UTS2B: variants seen among roughly 807,000 people sequenced by gnomAD.
UTS2B encodes urotensin 2B.
Under a neutral mutation model 19.2 loss-of-function variants are expected in UTS2B, and 21 were observed. The ratio of observed to expected loss-of-function variants is 1.09; its 90% CI spans 0.78 to 1.58. UTS2B has a LOEUF of 1.58. Ranked by LOEUF, UTS2B falls within the 40% of genes most tolerant of loss-of-function variation. The probability of loss-of-function intolerance (pLI) is 0.00; values close to 1 mark genes in which losing one functional copy is unlikely to be tolerated. For missense variants in UTS2B, 138 were observed against 130.3 expected, an observed-to-expected ratio of 1.06 and a Z score of -0.29; for synonymous variants, 57 against 50.2, an observed-to-expected ratio of 1.14 and a Z score of -0.58.
intron 2 of UTS2B, among the ~76,000 whole-genome samples, chr3:191,321,325 T>C (rs1165262954): frequency 6.6e-6 from 1 of 152,214 alleles, no homozygotes; most frequent in Non-Finnish European, 1.5e-5. Context: ...AAGGAAGTTT[T>C]AGTAAGACCT....
intron 3 of UTS2B, among the ~76,000 whole-genome samples, chr3:191,315,308 C>T (rs942915890): frequency 1.4e-4 from 22 of 152,180 alleles, no homozygotes; most frequent in South Asian, 4.1e-4. Context: ...CCACCACGCC[C>T]GGCCTACTCT....
intron 4 of UTS2B, among the ~76,000 whole-genome samples, chr3:191,299,897 T>A (rs1716949469): frequency 6.6e-6 from 1 of 152,266 alleles, no homozygotes; most frequent in African/African-American, 2.4e-5. Flanking sequence ...AACCCACTCC[T>A]TGCATCAATG....
At chr3:191,340,050 T>C in the UTS2B span, among the ~76,000 whole-genome samples, 1 of 152,224 alleles carries the variant, frequency 6.6e-6, no homozygotes, top group Non-Finnish European at 1.5e-5. Flanking sequence ...TGTATAATAC[T>C]TGTATCCAAA....
intron 2 of UTS2B, among the ~76,000 whole-genome samples, chr3:191,324,299 T>C (rs1471255887): frequency 1.3e-5 from 2 of 152,238 alleles, no homozygotes; most frequent in Non-Finnish European, 2.9e-5. Flanking sequence ...AACACATTCA[T>C]TTTCTTTATA....
intron 1 of UTS2B, chr3:191,329,805 C>T (rs1717888988): frequency 1.4e-6 from 2 of 1,443,388 alleles, no homozygotes; most frequent in Admixed American, 2.0e-5. Flanking sequence ...GTTGCCATTT[C>T]GGCTCCCGCG....
intron 2 of UTS2B, among the ~76,000 whole-genome samples, chr3:191,317,598 A>T (rs1372897928): frequency 9.2e-6 from 1 of 108,112 alleles, no homozygotes; most frequent in Non-Finnish European, 2.1e-5. Context: ...GTTGTTGTTG[A>T]GTTGGAGTTT....
In UTS2B at chr3:191,282,202, C is replaced by A. The variant is rs755815148; in HGVS notation, c.-13G>T. The A allele has an allele frequency of 6.3e-7, 1 of 1,583,150 alleles. No individual in the cohort carries two copies. On this transcript the variant is annotated 5_prime_UTR_variant, in exon 5 of 9. The change creates a new upstream start codon in the 5' untranslated region. Transcript: ENST00000340524. ...GGATCTTGTTCATGTTAAAAAAAAC[C>A]TTCTGGACTAGCAAAGAAACAGACT...
intron 4 of UTS2B, among the ~76,000 whole-genome samples, chr3:191,283,463 CACA>C (rs1174954852): frequency 7.1e-6 from 1 of 140,198 alleles, no homozygotes; most frequent in East Asian, 1.9e-4. Flanking sequence ...TTTGGACTGC[CACA>C]ACATTTTGTT....
upstream of UTS2B, among the ~76,000 whole-genome samples, chr3:191,335,060 T>G (rs1374214426): frequency 6.6e-6 from 1 of 152,166 alleles, no homozygotes; most frequent in African/African-American, 2.4e-5. Flanking sequence ...TTAAACGTAT[T>G]GGAGAAATAA....
chr3:191,273,123 G>A (rs1325130988), intron 8 of UTS2B, among the ~76,000 whole-genome samples: 5 of 152,146 alleles, frequency 3.3e-5, no homozygotes, highest in African/African-American at 1.2e-4. Context: ...AGCCGAGATC[G>A]CACCACTGCA....
upstream of UTS2B, among the ~76,000 whole-genome samples, chr3:191,334,675 C>T (rs1718085929): frequency 6.6e-6 from 1 of 152,104 alleles, no homozygotes; most frequent in African/African-American, 2.4e-5. Context: ...TTCTTTTTAC[C>T]TACCTTCTCT....
intron 2 of UTS2B, among the ~76,000 whole-genome samples, chr3:191,317,269 G>A (rs773529833): frequency 1.3e-5 from 2 of 152,232 alleles, no homozygotes; most frequent in Non-Finnish European, 2.9e-5. Context: ...CCTGGGGCCG[G>A]GGGCACCAGC....
intron 4 of UTS2B, among the ~76,000 whole-genome samples, chr3:191,300,201 C>T (rs1243734443): frequency 6.6e-6 from 1 of 152,122 alleles, no homozygotes; most frequent in Non-Finnish European, 1.5e-5. Flanking sequence ...AGGCGCCCAC[C>T]ACCATGCCTG....
chr3:191,319,898 T>TA (rs1717569779), intron 2 of UTS2B, among the ~76,000 whole-genome samples: 9 of 151,402 alleles, frequency 5.9e-5, no homozygotes, highest in Admixed American at 2.0e-4. Flanking sequence ...TTTTTTTTTT[T>TA]TAAAAACCTT....
At chr3:191,294,244 T>A (rs940688561) in intron 4 of UTS2B, among the ~76,000 whole-genome samples, 10 of 151,898 alleles carry the variant, frequency 6.6e-5, no homozygotes, top group African/African-American at 2.4e-4. Flanking sequence ...AAAACATTAT[T>A]TAGAATCATT....
chr3:191,283,507 C>G (rs888846649), intron 4 of UTS2B, among the ~76,000 whole-genome samples: 12 of 152,108 alleles, frequency 7.9e-5, no homozygotes, highest in Admixed American at 3.9e-4. Context: ...AAATTCATTT[C>G]TTCTTTCATT....
intron 2 of UTS2B, among the ~76,000 whole-genome samples, chr3:191,326,630 CATCCTGAGAAGCCTTATGCTT>C (rs1717751769): frequency 6.6e-6 from 1 of 152,140 alleles, no homozygotes; most frequent in Non-Finnish European, 1.5e-5. Flanking sequence ...GATCTGTATC[CATCCTGAGAAGCCTTATGCTT>C]TCTCTTTTAT....
intron 3 of UTS2B, among the ~76,000 whole-genome samples, chr3:191,314,614 G>C (rs1717397721): frequency 6.6e-6 from 1 of 152,144 alleles, no homozygotes; most frequent in African/African-American, 2.4e-5. Context: ...GTAGCTTTGA[G>C]GAGTGTAAGC....
the UTS2B span, among the ~76,000 whole-genome samples, chr3:191,346,020 T>A: frequency 1.3e-5 from 2 of 152,234 alleles, no homozygotes; most frequent in Non-Finnish European, 2.9e-5. Context: ...AGAGCTGGTA[T>A]AATTTCTCCA....
Sources: allele counts gnomAD v4.1 joint callset (sites outside exome capture counted in the v4.1 genomes callset), GRCh38; gene constraint gnomAD v4.1.1; transcripts MANE v1.5; gene names NCBI Gene and HGNC (gene_info 2026-07-23, HGNC 2026-07-21).